The following PDE4B variants were observed in gnomAD, a reference collection of about 807,000 sequenced individuals.
PDE4B encodes 3',5'-cyclic-AMP phosphodiesterase 4B.
Under a neutral mutation model 82.2 loss-of-function variants are expected in PDE4B, and 20 were observed. That is an observed-to-expected ratio of 0.24 (90% CI 0.17 to 0.35). The LOEUF (loss-of-function observed/expected upper bound fraction) is 0.35, where lower values mean the gene tolerates loss of function less well. Ranked by LOEUF, PDE4B falls within the 10% of genes least tolerant of loss-of-function variation. The pLI, the probability that PDE4B is intolerant of heterozygous loss-of-function variation, is 1.00. For synonymous variants in PDE4B, 320 were observed against 318.9 expected, an observed-to-expected ratio of 1.00 and a Z score of -0.04; for missense variants, 655 against 907.2, an observed-to-expected ratio of 0.72 and a Z score of 3.57.
At chr1:65,897,429 TG>T (rs1170956725) in intron 1 of PDE4B, among the ~76,000 whole-genome samples, 3 of 152,118 alleles carry the variant, frequency 2.0e-5, no homozygotes, top group African/African-American at 7.2e-5. Flanking sequence ...GCTTGTTACT[TG>T]GGTAATACTG....
In PDE4B at chr1:66,066,297, C is replaced by T. The variant is rs959161190; in HGVS notation, c.281+147462C>T. 2.3e-4 allele frequency among the ~76,000 whole-genome samples: 35 copies of T among 151,800 alleles called. 1 individual carries two copies. Among genetic ancestry groups the T allele is most frequent in the African/African-American group, 7.7e-4 (32 of 41,482 alleles). On this transcript the variant is annotated intron_variant, in intron 3 of 16. Transcript: ENST00000341517. ...GCAGCCTCCTCCATCCCCTACATTA[C>T]CTAAATTAATTAGTATACATTTTTT...
At position 66,363,479 on chromosome 1, in the gene PDE4B, C is replaced by T. The variant is rs1473348587; in HGVS notation, c.1192C>T (p.His398Tyr). The change falls in exon 12 of 17, where the codon CAT becomes TAT. Residue 398 changes from histidine to tyrosine, a missense_variant. His to Tyr is a moderately conservative substitution (Grantham distance 83). Around this residue, in one of 3 missense-constraint regions of PDE4B, gnomAD observed 283 missense variants for 516.4 expected, o/e 0.55. Transcript: ENST00000341517. ...FITYMMTLED[H>Y]YHSDVAYHNS... Reference sequence around the variant, plus strand: ...AACCTACATGATGACTTTAGAAGACCATTACCATTCTGACGTGGCATATCA... The same window carrying T: ...AACCTACATGATGACTTTAGAAGACTATTACCATTCTGACGTGGCATATCA... The T allele has an allele frequency of 6.2e-7, 1 of 1,613,500 alleles. No individual in the cohort carries two copies. Among genetic ancestry groups the T allele is most frequent in the East Asian group, 2.2e-5 (1 of 44,868 alleles).
rs1251797392 is a variant in PDE4B at position 66,324,314 on chromosome 1, C to T, written c.635-8194C>T. Among the ~76,000 whole-genome samples, 11 of 152,172 alleles carry T rather than the reference C, an allele frequency of 7.2e-5. No homozygotes were observed. In the South Asian group the frequency reaches 2.3e-3, roughly 32 times the overall value. ...TGTCTCCTTCATTCTCCCTCCTTTT[C>T]CCATCTTCCCCTCTCAATCTCTCTG... On this transcript the variant is annotated intron_variant, in intron 7 of 16. Transcript: ENST00000341517.
intron 3 of PDE4B, among the ~76,000 whole-genome samples, chr1:66,173,001 A>G (rs1366888827): frequency 2.0e-5 from 3 of 152,226 alleles, no homozygotes; most frequent in African/African-American, 7.2e-5. Flanking sequence ...ACCCCCAAAT[A>G]AATGAATGAT....
intron 3 of PDE4B, among the ~76,000 whole-genome samples, chr1:66,102,440 C>T (rs761628008): frequency 6.6e-6 from 1 of 151,976 alleles, no homozygotes; most frequent in Non-Finnish European, 1.5e-5. Context: ...TATTGAAATT[C>T]ATTTTGCTGT....
chr1:66,099,844 C>T (rs1403306468), intron 3 of PDE4B, among the ~76,000 whole-genome samples: 1 of 152,070 alleles, frequency 6.6e-6, no homozygotes, highest in East Asian at 1.9e-4. Context: ...TTGATTCAGT[C>T]AGAACAGATT....
intron 1 of PDE4B, among the ~76,000 whole-genome samples, chr1:65,864,781 C>A (rs1440623171): frequency 1.3e-5 from 2 of 152,136 alleles, no homozygotes; most frequent in Non-Finnish European, 2.9e-5. Flanking sequence ...CTGGAACTCT[C>A]CTGTATGAAG....
chr1:65,879,543 G>A (rs1275531254), intron 1 of PDE4B, among the ~76,000 whole-genome samples: 3 of 152,100 alleles, frequency 2.0e-5, no homozygotes, highest in Non-Finnish European at 4.4e-5. Flanking sequence ...TGGACTGGAG[G>A]AATCAGAAGT....
intron 3 of PDE4B, among the ~76,000 whole-genome samples, chr1:66,036,534 A>G (rs1654071927): frequency 6.6e-6 from 1 of 152,068 alleles, no homozygotes; most frequent in African/African-American, 2.4e-5. Context: ...GTTCTTCTGT[A>G]TGTGGACTTC....
intron 3 of PDE4B, among the ~76,000 whole-genome samples, chr1:66,208,549 C>T (rs924297742): frequency 6.6e-6 from 1 of 152,138 alleles, no homozygotes; most frequent in Non-Finnish European, 1.5e-5. Flanking sequence ...TCAGAATATT[C>T]CCATTTCTTT....
chr1:65,809,332 C>CAAAAAAAA (rs11366228), intron 1 of PDE4B, among the ~76,000 whole-genome samples: 3 of 72,514 alleles, frequency 4.1e-5, no homozygotes, highest in African/African-American at 5.4e-5. Context: ...CTCCATCTCA[C>CAAAAAAAA]AAAAAAAAAA....
chr1:65,927,847 A>G (rs1478145152), intron 3 of PDE4B, among the ~76,000 whole-genome samples: 1 of 152,248 alleles, frequency 6.6e-6, no homozygotes, highest in South Asian at 2.1e-4. Flanking sequence ...GGGTTCTGCC[A>G]GTTGCTAAGA....
At position 65,817,596 on chromosome 1, in the gene PDE4B, T is replaced by C. The variant is rs79732109; in HGVS notation, c.-71+24348T>C. ...TTATTGATGTGTTGACCAGACTCTA[T>C]ATCTAAATTCGTTGTTTGGTTTTTA... On this transcript the variant is annotated intron_variant, in intron 1 of 16. Coordinates refer to ENST00000341517, the MANE Select transcript of PDE4B (RefSeq NM_002600.4). 2.0e-4 allele frequency among the ~76,000 whole-genome samples: 31 copies of C among 152,310 alleles called. 1 individual carries two copies. In the East Asian group the frequency reaches 6.0e-3, roughly 29 times the overall value.
intron 1 of PDE4B, among the ~76,000 whole-genome samples, chr1:65,824,258 G>A (rs1359276046): frequency 6.6e-6 from 1 of 151,978 alleles, no homozygotes; most frequent in African/African-American, 2.4e-5. Flanking sequence ...CATACTTAGT[G>A]TGAAGATAAA....
intron 1 of PDE4B, among the ~76,000 whole-genome samples, chr1:65,886,550 C>A (rs1439013804): frequency 6.6e-6 from 1 of 152,142 alleles, no homozygotes; most frequent in East Asian, 1.9e-4. Context: ...CTTACACACC[C>A]TTCTCAGCCT....
rs530589913 is a variant in PDE4B at position 65,866,570 on chromosome 1, AAACT to A, written c.-70-46670_-70-46667del. On this transcript the variant is annotated intron_variant, in intron 1 of 16. Coordinates refer to ENST00000341517, the MANE Select transcript of PDE4B (RefSeq NM_002600.4). ...TTGCTTTTAGACAATATGTGTGACA[AAACT>A]AACTGACAAAATATGAATCCTAAAA... Among the ~76,000 whole-genome samples, 407 of 152,360 alleles carry A rather than the reference AAACT, an allele frequency of 2.7e-3. 3 individuals are homozygous for A. In the Middle Eastern group the frequency reaches 0.037, roughly 14 times the overall value.
At chr1:65,999,652 AT>A (rs1408685794) in intron 3 of PDE4B, among the ~76,000 whole-genome samples, 1 of 152,168 alleles carries the variant, frequency 6.6e-6, no homozygotes, top group Non-Finnish European at 1.5e-5. Context: ...CTGAAAATAC[AT>A]TATAGACATG....
At chr1:65,810,903 G>C (rs1386281272) in intron 1 of PDE4B, among the ~76,000 whole-genome samples, 1 of 152,016 alleles carries the variant, frequency 6.6e-6, no homozygotes. Context: ...TCTGCTAAAC[G>C]CTTCGAATAC....
intron 1 of PDE4B, among the ~76,000 whole-genome samples, chr1:65,815,211 C>T (rs1645868977): frequency 7.4e-6 from 1 of 135,548 alleles, no homozygotes; most frequent in Non-Finnish European, 1.6e-5. Context: ...TCCCCCCTCC[C>T]CCCCACCCTC....
Sources: allele counts gnomAD v4.1 joint callset (sites outside exome capture counted in the v4.1 genomes callset), GRCh38; gene constraint gnomAD v4.1.1; regional missense constraint gnomAD v4.1.1; transcripts MANE v1.5; gene names NCBI Gene and HGNC (gene_info 2026-07-23, HGNC 2026-07-21).